Variants in KIF26B observed in about 807,000 individuals in gnomAD.
The protein encoded by KIF26B is kinesin family member 26B, also known as kinesin-like protein KIF26B.
KIF26B carries 63 observed loss-of-function variants against 151.2 expected under a neutral mutation model. That is an observed-to-expected ratio of 0.42 (90% CI 0.34 to 0.51). The LOEUF (loss-of-function observed/expected upper bound fraction) is 0.51, where lower values mean the gene tolerates loss of function less well. KIF26B is among the 20% of genes least tolerant of loss of function. The pLI is 0.07. For synonymous variants in KIF26B, 1,357 were observed against 1,262.1 expected, an observed-to-expected ratio of 1.08 and a Z score of -1.59; for missense variants, 2,813 against 2,913.6, an observed-to-expected ratio of 0.97 and a Z score of 0.79.
chr1:245,590,630 G>A (rs1558227657), intron 5 of KIF26B, among the ~76,000 whole-genome samples: 1 of 152,226 alleles, frequency 6.6e-6, no homozygotes, highest in African/African-American at 2.4e-5. Flanking sequence ...CGTCCAGGCC[G>A]GGCACGGTGG....
chr1:245,639,881 A>G (rs2043870378), intron 9 of KIF26B, among the ~76,000 whole-genome samples: 1 of 151,706 alleles, frequency 6.6e-6, no homozygotes, highest in Non-Finnish European at 1.5e-5. Context: ...GGCCTATCAT[A>G]TGGTCTGTCC....
Position 245,686,959 on chromosome 1 carries a change from G to A in KIF26B, c.3976G>A (p.Ala1326Thr), listed in dbSNP as rs375160223. The change falls in exon 12 of 15, where the codon GCT becomes ACT. Residue 1326 changes from alanine (A) to threonine (T), a missense_variant. This residue lies in a region of KIF26B where 2,060 missense variants were observed against 2,088.6 expected (regional missense o/e 0.99). Coordinates refer to ENST00000407071, the MANE Select transcript of KIF26B (RefSeq NM_018012.4). This position sits in a 1 kb window ranked among gnomAD's most constrained non-coding sequence, Gnocchi z 5.6. ...GTTTGTCAGCAGCCTCCAGAACACC[G>A]CTGTGGTGTGCAGAGAGAAGCCCAA... is the stretch of plus-strand genomic sequence containing the variant. Reference protein sequence around the residue: ...SEFVSSLQNTAVVCREKPKAS... With the variant: ...SEFVSSLQNTTVVCREKPKAS... 1.7e-4 allele frequency: 282 copies of A among 1,613,462 alleles called. 1 individual carries two copies. The highest frequency in any genetic ancestry group is 1.9e-4 in the Non-Finnish European group (222 of 1,179,782).
intron 2 of KIF26B, chr1:245,214,235 G>C (rs1050242159): frequency 6.6e-6 from 1 of 151,322 alleles, no homozygotes; most frequent in Non-Finnish European, 1.5e-5. Context: ...AAAAGAGTCA[G>C]GCTTAGTGGT....
intron 4 of KIF26B, among the ~76,000 whole-genome samples, chr1:245,510,609 TC>T (rs1660812739): frequency 1.3e-5 from 2 of 150,752 alleles, no homozygotes; most frequent in East Asian, 3.9e-4. Context: ...TCTCTCTCTC[TC>T]TCTCTTCCCC....
intron 2 of KIF26B, among the ~76,000 whole-genome samples, chr1:245,228,866 T>C (rs1040543654): frequency 1.3e-5 from 2 of 152,154 alleles, no homozygotes; most frequent in Admixed American, 6.5e-5. Context: ...CATTCTCCAA[T>C]CACCGCATGA....
intron 4 of KIF26B, among the ~76,000 whole-genome samples, chr1:245,501,622 TG>T (rs1258541028): frequency 6.6e-6 from 1 of 152,236 alleles, no homozygotes; most frequent in Non-Finnish European, 1.5e-5. Flanking sequence ...ACTTTTTAAT[TG>T]GAGGATAATT....
At chr1:245,422,633 T>C (rs1658518026) in intron 4 of KIF26B, among the ~76,000 whole-genome samples, 1 of 152,210 alleles carries the variant, frequency 6.6e-6, no homozygotes, top group African/African-American at 2.4e-5. Context: ...TTTTGATAAG[T>C]GTCTGTCCTC....
rs1660145740 is a variant in KIF26B at position 245,480,655 on chromosome 1, T to C, written c.1167-60112T>C. 1.3e-5 allele frequency among the ~76,000 whole-genome samples: 2 copies of C among 151,662 alleles called. 1 individual carries two copies. Among genetic ancestry groups the C allele is most frequent in the Non-Finnish European group, 3.0e-5 (2 of 67,770 alleles). On this transcript the variant is annotated intron_variant, in intron 4 of 14. Coordinates refer to ENST00000407071, the MANE Select transcript of KIF26B (RefSeq NM_018012.4). The stretch of plus-strand genomic sequence containing the variant: ...AGGCAGAGTTTGTACTCTTTCCTTT[T>C]AGAAACACACTCTGCTGTCTGTACC...
intron 3 of KIF26B, among the ~76,000 whole-genome samples, chr1:245,407,080 G>A (rs867821566): frequency 1.3e-5 from 2 of 152,138 alleles, no homozygotes; most frequent in African/African-American, 4.8e-5. Context: ...AAGCCACTGT[G>A]CCCGGCCCAG....
chr1:245,684,414 G>C lies in KIF26B; in HGVS notation c.2421+19G>C, dbSNP rs775925770. On this transcript the variant is annotated intron_variant, in intron 11 of 14. Coordinates refer to ENST00000407071, the MANE Select transcript of KIF26B (RefSeq NM_018012.4). The stretch of plus-strand genomic sequence containing the variant: ...GACGAAGGTAAGGAGCTCGCGGGGT[G>C]GGGGGGTGGTGGATGAGGGAGCCTT... 96 of 1,483,414 alleles carry C rather than the reference G, an allele frequency of 6.5e-5. No homozygotes were observed. Among genetic ancestry groups the C allele is most frequent in the Non-Finnish European group, 8.0e-5 (89 of 1,118,168 alleles). The allele number at this position is 1,483,414 out of a possible 1,614,324, so 91.9% of individuals were successfully genotyped here.
At chr1:245,618,628 C>G (rs138498165) in intron 9 of KIF26B, among the ~76,000 whole-genome samples, 1,086 of 95,512 alleles carry the variant, frequency 0.011, 5 homozygotes, top group Admixed American at 0.029. Flanking sequence ...GAGTGCCACA[C>G]TCCTGGGGCT....
rs533917583 is a variant in KIF26B at position 245,460,624 on chromosome 1, T to A, written c.1166+40879T>A. 3.3e-5 allele frequency among the ~76,000 whole-genome samples: 5 copies of A among 152,344 alleles called. No homozygotes were observed. In the East Asian group the frequency reaches 9.6e-4, roughly 29 times the overall value. On this transcript the variant is annotated intron_variant, in intron 4 of 14. Coordinates refer to ENST00000407071, the MANE Select transcript of KIF26B (RefSeq NM_018012.4). Reference sequence around the variant, plus strand: ...TTGGGAAGGTCCTTGAAAAGTCACTTGGCAAAGAAAAGTTGTGAGAAGAAG... The same window carrying A: ...TTGGGAAGGTCCTTGAAAAGTCACTAGGCAAAGAAAAGTTGTGAGAAGAAG...
chr1:245,184,836 A>G (rs1476218808), intron 2 of KIF26B, among the ~76,000 whole-genome samples: 2 of 152,200 alleles, frequency 1.3e-5, no homozygotes, highest in Non-Finnish European at 2.9e-5. Flanking sequence ...TGTGGCTGCC[A>G]GGTTGCTTCC....
At position 245,564,763 on chromosome 1, in the gene KIF26B, G is replaced by T. The variant is rs1198956468; in HGVS notation, c.1350+23813G>T. Among the ~76,000 whole-genome samples the T allele has an allele frequency of 6.6e-6, 1 of 152,166 alleles. No individual in the cohort carries two copies. The highest frequency in any genetic ancestry group is 1.5e-5 in the Non-Finnish European group (1 of 68,036). ...AGTTTTCCCACGGACCAAGGGTGGT[G>T]GTGGGGGATGATGATTTCAGGAAGA... On this transcript the variant is annotated intron_variant, in intron 5 of 14. Coordinates refer to ENST00000407071, the MANE Select transcript of KIF26B (RefSeq NM_018012.4). The surrounding 1 kb of genome is among the most constrained non-coding windows in gnomAD (Gnocchi z 4.6).
At chr1:245,636,693 C>A (rs2043837529) in intron 9 of KIF26B, among the ~76,000 whole-genome samples, 1 of 152,044 alleles carries the variant, frequency 6.6e-6, no homozygotes, top group South Asian at 2.1e-4. Context: ...CTCTTCTACT[C>A]TCTATCTCCA....
rs1044107443 is a variant in KIF26B at position 245,166,402 on chromosome 1, T to C, written c.465+9719T>C. ...CCAAGTGGATAAAGCATCTCATTCT[T>C]ATTTATTCATTTGTAGAGTTGTCAC... On this transcript the variant is annotated intron_variant, in intron 2 of 14. Transcript: ENST00000407071. This position sits in a 1 kb window ranked among gnomAD's most constrained non-coding sequence, Gnocchi z 4.5. 6.6e-6 allele frequency among the ~76,000 whole-genome samples: 1 copy of C among 152,226 alleles called. No homozygotes were observed. Among genetic ancestry groups the C allele is most frequent in the African/African-American group, 2.4e-5 (1 of 41,454 alleles).
intron 2 of KIF26B, among the ~76,000 whole-genome samples, chr1:245,276,445 G>A (rs889181711): frequency 1.2e-4 from 19 of 152,198 alleles, no homozygotes; most frequent in African/African-American, 4.6e-4. Flanking sequence ...TTTGTGCTGA[G>A]CTAGAGGGCA....
chr1:245,616,154 CA>C (rs149760234), intron 9 of KIF26B, among the ~76,000 whole-genome samples: 43 of 151,744 alleles, frequency 2.8e-4, no homozygotes, highest in Non-Finnish European at 5.2e-4. Flanking sequence ...AGTAGACAGA[CA>C]AAAAAAAGTT....
intron 2 of KIF26B, among the ~76,000 whole-genome samples, chr1:245,220,473 C>T (rs1032321897): frequency 9.9e-5 from 15 of 152,176 alleles, no homozygotes; most frequent in Non-Finnish European, 2.2e-4. Flanking sequence ...CCTGTGCTCC[C>T]TCCCCTTCCG....
Sources: gnomAD v4.1 joint callset for allele counts (sites outside exome capture counted in the v4.1 genomes callset) on GRCh38, gnomAD v4.1.1 for gene constraint, gnomAD v4.1.1 regional missense constraint, Gnocchi (gnomAD v3.1) non-coding constraint, MANE v1.5 for transcripts, NCBI Gene and HGNC (gene_info 2026-07-23, HGNC 2026-07-21) for gene names.